Variants in KIF13A observed in about 807,000 individuals in gnomAD.
KIF13A encodes the protein kinesin-like protein KIF13A.
In KIF13A, 79 loss-of-function variants were observed where a neutral mutation model predicts 212.2. That is an observed-to-expected ratio of 0.37 (90% CI 0.31 to 0.45). The LOEUF (loss-of-function observed/expected upper bound fraction) is 0.45, where lower values mean the gene tolerates loss of function less well. Among genes scored for constraint, KIF13A ranks in the 20% least tolerant of loss-of-function variants. KIF13A has a pLI of 1.00. For missense variants in KIF13A, 1,901 were observed against 2,209.0 expected, an observed-to-expected ratio of 0.86 and a Z score of 2.79; for synonymous variants, 789 against 808.6, an observed-to-expected ratio of 0.98 and a Z score of 0.41.
intron 4 of KIF13A, among the ~76,000 whole-genome samples, chr6:17,870,428 T>C (rs548859300): frequency 6.6e-6 from 1 of 152,094 alleles, no homozygotes. Flanking sequence ...TTATCATCTG[T>C]ATGTAATGAA....
At chr6:17,920,370 A>G (rs1774949871) in intron 2 of KIF13A, among the ~76,000 whole-genome samples, 1 of 152,238 alleles carries the variant, frequency 6.6e-6, no homozygotes, top group Non-Finnish European at 1.5e-5. Flanking sequence ...TTTTACAATC[A>G]TCAAGGAGAA....
At chr6:17,875,775 C>T (rs1412967000) in intron 3 of KIF13A, among the ~76,000 whole-genome samples, 1 of 151,940 alleles carries the variant, frequency 6.6e-6, no homozygotes, top group Non-Finnish European at 1.5e-5. Context: ...TTTTTCATGC[C>T]CATTACCACC....
At chr6:17,917,060 C>T (rs779128685) in intron 2 of KIF13A, among the ~76,000 whole-genome samples, 114 of 151,854 alleles carry the variant, frequency 7.5e-4, no homozygotes, top group Non-Finnish European at 8.8e-5. Context: ...GACACTGTGC[C>T]CATAACCTTC....
In KIF13A at chr6:17,839,913, T is replaced by C. The variant is rs575241214; in HGVS notation, c.831-2330A>G. On this transcript the variant is annotated intron_variant, in intron 9 of 38. Coordinates refer to ENST00000259711, the MANE Select transcript of KIF13A (RefSeq NM_022113.6). This position sits in a 1 kb window ranked among gnomAD's most constrained non-coding sequence, Gnocchi z 4.3. ...GATTTCAGATTTCTCGCCTGCAGAA[T>C]TGTGAGAAATAAATTTCTGTTGTTT... 3.3e-5 allele frequency among the ~76,000 whole-genome samples: 5 copies of C among 152,280 alleles called. No homozygotes were observed. The highest frequency in any genetic ancestry group is 1.3e-4 in the Admixed American group (2 of 15,292).
At chr6:17,778,362 C>T (rs533284860) in intron 33 of KIF13A, among the ~76,000 whole-genome samples, 2 of 152,154 alleles carry the variant, frequency 1.3e-5, no homozygotes, top group East Asian at 3.9e-4. Flanking sequence ...TGACAGATGC[C>T]AATTACATTC....
At chr6:17,861,734 T>C (rs1208085136) in intron 4 of KIF13A, among the ~76,000 whole-genome samples, 2 of 152,216 alleles carry the variant, frequency 1.3e-5, no homozygotes, top group African/African-American at 2.4e-5. Context: ...GCGCTAGCCA[T>C]TGCTTTTCTT....
chr6:17,953,785 C>T (rs1465566980), intron 2 of KIF13A: 4 of 184,830 alleles, frequency 2.2e-5, no homozygotes, highest in East Asian at 1.2e-4. Context: ...AGGCTGATGA[C>T]GACAGGAGAC....
chr6:17,893,832 C>CTTTTTTTTT (rs139288852), intron 3 of KIF13A, among the ~76,000 whole-genome samples: 2 of 77,330 alleles, frequency 2.6e-5, no homozygotes, highest in African/African-American at 4.6e-5. Context: ...TTTCCTGCAT[C>CTTTTTTTTT]TTTTTTTTTT....
intron 9 of KIF13A, among the ~76,000 whole-genome samples, chr6:17,844,594 C>T (rs1581499221): frequency 6.6e-6 from 1 of 152,202 alleles, no homozygotes; most frequent in East Asian, 1.9e-4. Flanking sequence ...TGTTTCTTCT[C>T]AAAGCCATTT....
Position 17,957,561 on chromosome 6 carries a change from GGTCAGAAGTTCCAGAA to G in KIF13A, c.146+29477_146+29492del, listed in dbSNP as rs527256522. Among the ~76,000 whole-genome samples, 20 of 152,300 alleles carry G rather than the reference GGTCAGAAGTTCCAGAA, an allele frequency of 1.3e-4. No homozygotes were observed. In the East Asian group the frequency reaches 3.1e-3, roughly 24 times the overall value. On this transcript the variant is annotated intron_variant, in intron 2 of 38. Transcript: ENST00000259711. ...TGGAAACCCCAACTTGAAGCTGGTA[GGTCAGAAGTTCCAGAA>G]GCCCAGACTTGTGACTGATGTTTAA...
Position 17,856,408 on chromosome 6 carries a change from G to A in KIF13A, c.221-286C>T, listed in dbSNP as rs1290473445. Among the ~76,000 whole-genome samples the A allele has an allele frequency of 6.6e-6, 1 of 152,082 alleles. No individual in the cohort carries two copies. Among genetic ancestry groups the A allele is most frequent in the Non-Finnish European group, 1.5e-5 (1 of 68,004 alleles). ...CCATATGGAAGCAGCATTCAAATTT[G>A]GTTGTTTTTTCTTATGACTAATATC... On this transcript the variant is annotated intron_variant, in intron 4 of 38. Coordinates refer to ENST00000259711, the MANE Select transcript of KIF13A (RefSeq NM_022113.6). The surrounding 1 kb of genome is among the most constrained non-coding windows in gnomAD (Gnocchi z 4.5).
intron 35 of KIF13A, 53 bp downstream of exon 35, chr6:17,774,962 A>G: frequency 1.4e-6 from 2 of 1,429,766 alleles, no homozygotes; most frequent in Non-Finnish European, 1.9e-6. Context: ...AGATCCCACA[A>G]CTTTCCAGAC....
chr6:17,805,335 C>T (rs1762845682), intron 19 of KIF13A, 140 bp downstream of exon 19: 1 of 779,428 alleles, frequency 1.3e-6, no homozygotes, highest in South Asian at 1.9e-5. Flanking sequence ...CTTTATTTTC[C>T]TAATATAATA....
intron 3 of KIF13A, chr6:17,881,580 C>T (rs1019874801): frequency 1.6e-5 from 6 of 377,802 alleles, no homozygotes; most frequent in Non-Finnish European, 3.1e-5. Flanking sequence ...GCCTGTAATC[C>T]CAGCTACTCG....
intron 20 of KIF13A, among the ~76,000 whole-genome samples, chr6:17,800,427 T>C (rs1381138578): frequency 3.3e-5 from 5 of 151,128 alleles, no homozygotes; most frequent in South Asian, 2.1e-4. Flanking sequence ...TGGAGTCATC[T>C]AGTATCCATG....
Position 17,771,764 on chromosome 6 carries a change from G to GA in KIF13A, c.4476+143dup. 1.4e-6 allele frequency: 1 copy of GA among 698,420 alleles called. No individual in the cohort carries two copies. The highest frequency in any genetic ancestry group is 2.5e-5 in the East Asian group (1 of 40,268). 43.3% of individuals were successfully genotyped at this position (698,420 alleles called of 1,614,324 possible). ...TTCTACCATGACTCTGCATGCTTGAGAAAGAGGAATTCGAGAACGGGAACC... is the reference window on the plus strand; with the variant it reads ...TTCTACCATGACTCTGCATGCTTGAGAAAAGAGGAATTCGAGAACGGGAACC... On this transcript the variant is annotated intron_variant, in intron 37 of 38. Transcript: ENST00000259711. The surrounding 1 kb of genome is among the most constrained non-coding windows in gnomAD (Gnocchi z 5.4).
chr6:17,821,437 C>T (rs917942854), intron 16 of KIF13A, among the ~76,000 whole-genome samples: 1 of 152,080 alleles, frequency 6.6e-6, no homozygotes, highest in Non-Finnish European at 1.5e-5. Flanking sequence ...AGCAACAAAG[C>T]CATCGATAAC....
In KIF13A at chr6:17,809,857, C is replaced by T. The variant is rs1763283426; in HGVS notation, c.2001-927G>A. 1.3e-5 allele frequency among the ~76,000 whole-genome samples: 2 copies of T among 152,236 alleles called. No individual in the cohort carries two copies. The highest frequency in any genetic ancestry group is 4.1e-4 in the South Asian group (2 of 4,836). ...TGAACTCAAAGCACCTAAATCTCTACTCCTCACTCGTCACCTTAGAAATGA... is the reference window on the plus strand; with the variant it reads ...TGAACTCAAAGCACCTAAATCTCTATTCCTCACTCGTCACCTTAGAAATGA... On this transcript the variant is annotated intron_variant, in intron 17 of 38. Transcript: ENST00000259711. The surrounding 1 kb of genome is among the most constrained non-coding windows in gnomAD (Gnocchi z 4.7).
rs1774612077 is a variant in KIF13A at position 17,917,284 on chromosome 6, AGG to A, written c.147-19106_147-19105del. ...GAGACAGAGTCTCGCTCTGTTGCCC[AGG>A]CTGGAGTACAGTGGCACGACCTCAG... On this transcript the variant is annotated intron_variant, in intron 2 of 38. Transcript: ENST00000259711. 2.4e-5 allele frequency among the ~76,000 whole-genome samples: 3 copies of A among 124,266 alleles called. No homozygotes were observed. The South Asian group carries it at 7.5e-4, about 31-fold the overall frequency. The allele number at this position is 124,266 out of a possible 152,430, so 81.5% of individuals were successfully genotyped here.
Sources: gnomAD v4.1 joint callset for allele counts (sites outside exome capture counted in the v4.1 genomes callset) on GRCh38, gnomAD v4.1.1 for gene constraint, Gnocchi (gnomAD v3.1) non-coding constraint, MANE v1.5 for transcripts, NCBI Gene and HGNC (gene_info 2026-07-23, HGNC 2026-07-21) for gene names.